SLC38A11: variants seen among roughly 807,000 people sequenced by gnomAD.
SLC38A11 encodes the protein putative sodium-coupled neutral amino acid transporter 11.
SLC38A11 carries 51 observed loss-of-function variants against 49.4 expected under a neutral mutation model. That is an observed-to-expected ratio of 1.03 (90% CI 0.83 to 1.30). The LOEUF is 1.30. SLC38A11 is among the 50% of genes most tolerant of loss of function. The pLI, the probability that SLC38A11 is intolerant of heterozygous loss-of-function variation, is 0.00. For missense variants in SLC38A11, 574 were observed against 556.2 expected (o/e 1.03, Z -0.32); for synonymous variants, 203 against 192.9 (o/e 1.05, Z -0.43).
intron 6 of SLC38A11, 71 bp from the exon 7 acceptor site, chr2:164,937,500 C>T: frequency 9.5e-7 from 1 of 1,049,558 alleles, no homozygotes. Flanking sequence ...TTAAGTCTTT[C>T]TCATTTTTAA....
chr2:164,947,113 A>ATCTCTTTT (rs1688166098), intron 3 of SLC38A11, among the ~76,000 whole-genome samples: 3 of 45,924 alleles, frequency 6.5e-5, no homozygotes, highest in African/African-American at 2.3e-4. Context: ...GGACTTTTTT[A>ATCTCTTTT]TCTCTTTTTT....
chr2:164,942,538 A>C (rs1336446504), intron 5 of SLC38A11, among the ~76,000 whole-genome samples: 1 of 152,134 alleles, frequency 6.6e-6, no homozygotes, highest in Non-Finnish European at 1.5e-5. Context: ...AAATCCCATG[A>C]ATCTCATGAT....
At chr2:164,901,114 G>C (rs1008978761) in intron 11 of SLC38A11, among the ~76,000 whole-genome samples, 8 of 151,832 alleles carry the variant, frequency 5.3e-5, no homozygotes, top group Non-Finnish European at 8.8e-5. Flanking sequence ...GACCCTATAT[G>C]TTTGGATTTA....
At chr2:164,916,784 G>T (rs1685822353) in intron 7 of SLC38A11, among the ~76,000 whole-genome samples, 1 of 152,142 alleles carries the variant, frequency 6.6e-6, no homozygotes, top group South Asian at 2.1e-4. Context: ...TATTGGCAGT[G>T]ATAGGTCTAC....
intron 9 of SLC38A11, 158 bp from the exon 10 acceptor site, chr2:164,911,906 G>T (rs1315459599): frequency 2.1e-6 from 1 of 480,032 alleles, no homozygotes; most frequent in Non-Finnish European, 3.7e-6. Flanking sequence ...TCTATGTTTA[G>T]ATACATAAAT....
intron 2 of SLC38A11, 77 bp downstream of exon 2, chr2:164,954,554 T>A (rs1688724371): frequency 1.7e-6 from 1 of 578,612 alleles, no homozygotes; most frequent in Non-Finnish European, 2.9e-6. Flanking sequence ...TAAAAATAAT[T>A]AATGAACACT....
At chr2:164,939,744 A>C (rs1238579429) in intron 5 of SLC38A11, among the ~76,000 whole-genome samples, 188 bp from the exon 6 acceptor site, 6 of 151,994 alleles carry the variant, frequency 3.9e-5, no homozygotes, top group Non-Finnish European at 8.8e-5. Context: ...TACAAACACA[A>C]AAAAATTTCA....
At chr2:164,913,840 G>A (rs1370726040) in intron 9 of SLC38A11, among the ~76,000 whole-genome samples, 1 of 152,002 alleles carries the variant, frequency 6.6e-6, no homozygotes, top group Non-Finnish European at 1.5e-5. Flanking sequence ...AGTGGCACAG[G>A]CATGTATTAT....
At chr2:164,943,098 T>G (rs1361550820) in intron 5 of SLC38A11, among the ~76,000 whole-genome samples, 1 of 152,186 alleles carries the variant, frequency 6.6e-6, no homozygotes, top group Non-Finnish European at 1.5e-5. Context: ...AGGAAAGGTG[T>G]TTTTGCATCC....
chr2:164,917,489 C>T (rs1379009354), intron 7 of SLC38A11, among the ~76,000 whole-genome samples: 2 of 152,114 alleles, frequency 1.3e-5, no homozygotes, highest in Non-Finnish European at 2.9e-5. Context: ...GGAACTACTG[C>T]CACCTGCTGC....
At chr2:164,952,861 A>G (rs2105523378) in intron 2 of SLC38A11, 80 bp from the exon 3 acceptor site, 1 of 997,750 alleles carries the variant, frequency 1.0e-6, no homozygotes, top group Non-Finnish European at 1.6e-6. Flanking sequence ...CAATTTCTGC[A>G]TATAATAGGT....
intron 11 of SLC38A11, among the ~76,000 whole-genome samples, chr2:164,907,320 C>G (rs1685086025): frequency 7.3e-6 from 1 of 137,124 alleles, no homozygotes; most frequent in Non-Finnish European, 1.5e-5. Context: ...GTTGCCCAGG[C>G]TGGAGTGCAG....
At chr2:164,933,488 G>T (rs1273305933) in intron 7 of SLC38A11, among the ~76,000 whole-genome samples, 1 of 152,008 alleles carries the variant, frequency 6.6e-6, no homozygotes, top group Non-Finnish European at 1.5e-5. Context: ...GGCCCTATAA[G>T]TTATGGAAAA....
rs1184592211 is a variant in SLC38A11, at chr2:164,895,085, CA to C, written c.*3351del. On this transcript the variant is annotated 3_prime_UTR_variant, in exon 12 of 12. Transcript: ENST00000685975. Reference sequence around the variant, plus strand: ...CAGAAACTGTGGGGGTGAAGCCCAGCAATCTGTGTTTCAACAAGGCCTCCAG... The same window carrying C: ...CAGAAACTGTGGGGGTGAAGCCCAGCATCTGTGTTTCAACAAGGCCTCCAG... Among the ~76,000 whole-genome samples, 1 of 152,146 alleles carries C rather than the reference CA, an allele frequency of 6.6e-6. No individual in the cohort carries two copies. Among genetic ancestry groups the C allele is most frequent in the Non-Finnish European group, 1.5e-5 (1 of 68,026 alleles).
In SLC38A11 at chr2:164,894,489, A is replaced by G. The variant is rs570670352; in HGVS notation, c.*3948T>C. Among the ~76,000 whole-genome samples, 12 of 152,278 alleles carry G rather than the reference A, an allele frequency of 7.9e-5. No individual in the cohort carries two copies. The highest frequency in any genetic ancestry group is 3.9e-4 in the East Asian group (2 of 5,188). ...TAACCCAGTTTTACTCATGTTCCCT[A>G]TGTAATTTTCCAAGTAAGCCATTCT... On this transcript the variant is annotated 3_prime_UTR_variant, in exon 12 of 12. Transcript: ENST00000685975.
intron 7 of SLC38A11, among the ~76,000 whole-genome samples, chr2:164,917,680 T>C (rs920511061): frequency 6.6e-6 from 1 of 152,190 alleles, no homozygotes; most frequent in Non-Finnish European, 1.5e-5. Context: ...ATGGTATGCT[T>C]TCCCTCTTAT....
At position 164,898,516 on chromosome 2, in the gene SLC38A11, A is replaced by G. The variant is rs773059516; in HGVS notation, c.1310T>C (p.Phe437Ser). The G allele has an allele frequency of 1.2e-6, 2 of 1,613,548 alleles. No individual in the cohort carries two copies. Among genetic ancestry groups the G allele is most frequent in the South Asian group, 1.1e-5 (1 of 91,068 alleles). Residue 437 changes from phenylalanine (F) to serine (S), a missense_variant, in exon 12 of 12, where the codon TTC (phenylalanine) becomes TCC (serine). Physicochemically the swap from Phe to Ser is radical, Grantham distance 155 (BLOSUM62 -2). Transcript: ENST00000685975. ...AGACTCTGAGGTATTTGTGAGAGAGAAATTGTCAGGAAAGCAGTAGAACAT... is the reference window on the plus strand; with the variant it reads ...AGACTCTGAGGTATTTGTGAGAGAGGAATTGTCAGGAAAGCAGTAGAACAT... ...QEMFYCFPDN[F>S]SLTNTSESHV... is the part of the protein sequence containing the mutation.
chr2:164,919,707 A>C lies in SLC38A11; in HGVS notation c.618-3734T>G, dbSNP rs543586707. On this transcript the variant is annotated intron_variant, in intron 7 of 11. Transcript: ENST00000685975. Reference sequence around the variant, plus strand: ...TATCTCTAGATTGCTTACAATATCTAATACAATGTAAATTCTATATAAATA... The same window carrying C: ...TATCTCTAGATTGCTTACAATATCTCATACAATGTAAATTCTATATAAATA... 3.9e-5 allele frequency among the ~76,000 whole-genome samples: 6 copies of C among 152,334 alleles called. No individual in the cohort carries two copies. In the East Asian group the frequency reaches 1.2e-3, roughly 29 times the overall value.
At chr2:164,924,968 G>A (rs1475635746) in intron 7 of SLC38A11, among the ~76,000 whole-genome samples, 6 of 152,038 alleles carry the variant, frequency 3.9e-5, no homozygotes, top group Non-Finnish European at 7.4e-5. Context: ...CTGTGGTCTC[G>A]ATCTCCTGAC....
Sources: allele counts gnomAD v4.1 joint callset (sites outside exome capture counted in the v4.1 genomes callset), GRCh38; gene constraint gnomAD v4.1.1; transcripts MANE v1.5; gene names NCBI Gene and HGNC (gene_info 2026-07-23, HGNC 2026-07-21).